SMC1B: variants seen among roughly 807,000 people sequenced by gnomAD.
SMC1B encodes structural maintenance of chromosomes 1B.
Under a neutral mutation model 157.9 loss-of-function variants are expected in SMC1B, and 60 were observed. That is an observed-to-expected ratio of 0.38 (90% CI 0.31 to 0.47). SMC1B has a LOEUF of 0.47. Ranked by LOEUF, SMC1B falls within the 20% of genes least tolerant of loss-of-function variation. The pLI, the probability that SMC1B is intolerant of heterozygous loss-of-function variation, is 0.99. For missense variants in SMC1B, 1,165 were observed against 1,426.2 expected (o/e 0.82, Z 2.95); for synonymous variants, 445 against 483.0 (o/e 0.92, Z 1.03).
chr22:45,411,572 T>G, intron 1 of SMC1B, among the ~76,000 whole-genome samples: 1 of 152,162 alleles, frequency 6.6e-6, no homozygotes, highest in Non-Finnish European at 1.5e-5. Context: ...TGCATTTTAT[T>G]TATTTATTTA....
Position 45,361,848 on chromosome 22 carries a change from G to C in SMC1B, c.2699C>G (p.Ala900Gly), listed in dbSNP as rs2086724721. ...ATGAAGTCTTAATTACCTATCAACA[G>C]CCAGAAACTTCTTCCGTTCCTCTTC... ...QIEEERKKFL[A>G]VDREVGKLQK... Residue 900 changes from alanine to glycine, a missense_variant, in exon 17 of 25, where the codon GCT (alanine) becomes GGT (glycine). By Grantham distance (60) the Ala-to-Gly change is moderately conservative. Transcript: ENST00000357450. 6.2e-7 allele frequency: 1 copy of C among 1,613,674 alleles called. No homozygotes were observed. Among genetic ancestry groups the C allele is most frequent in the African/African-American group, 1.3e-5 (1 of 74,886 alleles).
chr22:45,350,836 T>C (rs1386611655), intron 22 of SMC1B, among the ~76,000 whole-genome samples: 1 of 152,086 alleles, frequency 6.6e-6, no homozygotes, highest in Non-Finnish European at 1.5e-5. Context: ...CACAACCATA[T>C]CCTCTCACCT....
chr22:45,413,256 G>C (rs994317672), intron 1 of SMC1B, among the ~76,000 whole-genome samples: 1 of 152,140 alleles, frequency 6.6e-6, no homozygotes, highest in Non-Finnish European at 1.5e-5. Flanking sequence ...TGAGGTGGAC[G>C]GCGAGGACCG....
chr22:45,351,611 T>G (rs923199725), intron 22 of SMC1B, among the ~76,000 whole-genome samples: 1 of 152,200 alleles, frequency 6.6e-6, no homozygotes, highest in Non-Finnish European at 1.5e-5. Context: ...TGCAGTGGTG[T>G]CATCACGGTT....
Position 45,383,630 on chromosome 22 carries a change from A to T in SMC1B, c.1912-17T>A. ...AGCTACTGTCTGTAAAAGTAAAAAT[A>T]TTTTGCCCTGGAGAAATGTACATAA... is the stretch of plus-strand genomic sequence containing the variant. On this transcript the variant is annotated splice_polypyrimidine_tract_variant and intron_variant, in intron 11 of 24. Coordinates refer to ENST00000357450, the MANE Select transcript of SMC1B (RefSeq NM_148674.5). The T allele has an allele frequency of 6.3e-7, 1 of 1,574,976 alleles. No individual in the cohort carries two copies. Among genetic ancestry groups the T allele is most frequent in the Non-Finnish European group, 8.6e-7 (1 of 1,169,202 alleles).
chr22:45,394,697 G>A lies in SMC1B; in HGVS notation c.1325C>T (p.Thr442Ile), dbSNP rs769388076. The A allele has an allele frequency of 1.0e-5, 16 of 1,555,996 alleles. No individual in the cohort carries two copies. In the Middle Eastern group the frequency reaches 5.3e-4, roughly 51 times the overall value. The change falls in exon 8 of 25, where the codon ACA becomes ATA. Residue 442 changes from threonine to isoleucine, a missense_variant. By Grantham distance (89) the Thr-to-Ile change is moderately conservative. Coordinates refer to ENST00000357450, the MANE Select transcript of SMC1B (RefSeq NM_148674.5). Reference sequence around the variant, plus strand: ...TTACTCTACCTACATGCATGTCTTTGTATACTCCTCTAACTTCTCTATTCG... The same window carrying A: ...TTACTCTACCTACATGCATGTCTTTATATACTCCTCTAACTTCTCTATTCG... ...KKRIEKLEEY[T>I]KTCMDCLKEK...
chr22:45,371,600 G>C lies in SMC1B; in HGVS notation c.2197-13C>G, dbSNP rs776138727. On this transcript the variant is annotated splice_polypyrimidine_tract_variant and intron_variant, in intron 13 of 24. Transcript: ENST00000357450. Reference sequence around the variant, plus strand: ...ACTGAGATTGTTCCTAATAACAAAAGAGAAAAATTTTTTTAACATGGCTGT... The same window carrying C: ...ACTGAGATTGTTCCTAATAACAAAACAGAAAAATTTTTTTAACATGGCTGT... 7.0e-6 allele frequency: 11 copies of C among 1,572,722 alleles called. No individual in the cohort carries two copies. In the African/African-American group the frequency reaches 1.2e-4, roughly 18 times the overall value.
At chr22:45,384,886 C>T (rs1317409244) in intron 11 of SMC1B, among the ~76,000 whole-genome samples, 1 of 152,044 alleles carries the variant, frequency 6.6e-6, no homozygotes, top group Non-Finnish European at 1.5e-5. Flanking sequence ...AAGTGGTACC[C>T]TGCACTTTAT....
chr22:45,346,087 C>T (rs2086548937), intron 23 of SMC1B, among the ~76,000 whole-genome samples: 2 of 151,894 alleles, frequency 1.3e-5, no homozygotes, highest in African/African-American at 4.8e-5. Context: ...TGCCTATAAT[C>T]CCAGCTACTC....
At chr22:45,351,386 G>A (rs1230885568) in intron 22 of SMC1B, among the ~76,000 whole-genome samples, 1 of 152,178 alleles carries the variant, frequency 6.6e-6, no homozygotes, top group Admixed American at 6.5e-5. Flanking sequence ...CAGATGACTT[G>A]TTCAAAGCAG....
At position 45,413,516 on chromosome 22, in the gene SMC1B, G is replaced by C. The variant is rs1467517024; in HGVS notation, c.52C>G (p.Arg18Gly). 4.4e-6 allele frequency: 7 copies of C among 1,605,146 alleles called. No homozygotes were observed. The highest frequency in any genetic ancestry group is 1.7e-5 in the Admixed American group (1 of 58,938). ...LVENFKSWRG[R>G]QVIGPFRRFT... Reference sequence around the variant, plus strand: ...CTCCGGAAGGGGCCAATGACCTGGCGGCCCCGCCACGACTTGAAATTTTCC... The same window carrying C: ...CTCCGGAAGGGGCCAATGACCTGGCCGCCCCGCCACGACTTGAAATTTTCC... Residue 18 changes from arginine to glycine, a missense_variant, in exon 1 of 25, where the codon CGC becomes GGC. Coordinates refer to ENST00000357450, the MANE Select transcript of SMC1B (RefSeq NM_148674.5).
At chr22:45,400,589 T>C (rs1052642095) in intron 5 of SMC1B, among the ~76,000 whole-genome samples, 1 of 152,188 alleles carries the variant, frequency 6.6e-6, no homozygotes, top group South Asian at 2.1e-4. Context: ...GTAGATACTT[T>C]GCCCTCAAGG....
chr22:45,373,938 TGTA>T (rs1396639852), intron 12 of SMC1B, among the ~76,000 whole-genome samples: 7 of 152,150 alleles, frequency 4.6e-5, no homozygotes, highest in African/African-American at 1.7e-4. Context: ...AAAAATATAT[TGTA>T]GGAAAACATT....
At chr22:45,370,091 A>G (rs1326144274) in intron 14 of SMC1B, 31 bp from the exon 15 acceptor site, 3 of 1,237,422 alleles carry the variant, frequency 2.4e-6, no homozygotes, top group East Asian at 2.6e-5. Context: ...AATTGATTTA[A>G]TAAGCAATTT....
intron 16 of SMC1B, 94 bp from the exon 17 acceptor site, chr22:45,362,078 G>A (rs886110466): frequency 7.9e-7 from 1 of 1,264,958 alleles, no homozygotes; most frequent in Non-Finnish European, 1.1e-6. Flanking sequence ...CAGTTATCCC[G>A]AGATGAACCT....
intron 5 of SMC1B, among the ~76,000 whole-genome samples, chr22:45,401,893 T>C (rs1004038219): frequency 2.0e-5 from 3 of 152,128 alleles, no homozygotes; most frequent in Admixed American, 6.5e-5. Flanking sequence ...CACCACCTTT[T>C]TTTTTTTTGA....
In SMC1B at chr22:45,389,872, T is replaced by C; in HGVS notation, c.1571A>G (p.His524Arg). 6.2e-7 allele frequency: 1 copy of C among 1,614,040 alleles called. No homozygotes were observed. The highest frequency in any genetic ancestry group is 8.5e-7 in the Non-Finnish European group (1 of 1,179,994). The change falls in exon 10 of 25, where the codon CAT (histidine) becomes CGT (arginine). Residue 524 changes from histidine (H) to arginine (R), a missense_variant. Transcript: ENST00000357450. ...SVFGRLFDLC[H>R]PIHKKYQLAV... ...CAGCTGGTATTTCTTATGAATAGGATGACACAGGTCAAATAGTCTTCCAAA... is the reference window on the plus strand; with the variant it reads ...CAGCTGGTATTTCTTATGAATAGGACGACACAGGTCAAATAGTCTTCCAAA...
chr22:45,401,421 A>T (rs929403863), intron 5 of SMC1B, among the ~76,000 whole-genome samples: 3 of 152,244 alleles, frequency 2.0e-5, no homozygotes, highest in Admixed American at 2.0e-4. Flanking sequence ...GGGTACTCAG[A>T]AGCCAGCTAT....
intron 9 of SMC1B, among the ~76,000 whole-genome samples, chr22:45,392,283 C>T (rs2087068531): frequency 6.6e-6 from 1 of 152,066 alleles, no homozygotes; most frequent in African/African-American, 2.4e-5. Context: ...AAAGGAAACA[C>T]ATACATGTGA....
Sources: allele counts gnomAD v4.1 joint callset (sites outside exome capture counted in the v4.1 genomes callset), GRCh38; gene constraint gnomAD v4.1.1; transcripts MANE v1.5; gene names NCBI Gene and HGNC (gene_info 2026-07-23, HGNC 2026-07-21).